The following UBN2 variants were observed in gnomAD, a reference collection of about 807,000 sequenced individuals.
The protein encoded by UBN2 is ubinuclein 2.
UBN2 carries 35 observed loss-of-function variants against 120.2 expected under a neutral mutation model. The observed-to-expected ratio is 0.29, with a 90% CI of 0.22 to 0.39. The LOEUF (loss-of-function observed/expected upper bound fraction) is 0.39. Ranked by LOEUF, UBN2 falls within the 10% of genes least tolerant of loss-of-function variation. The pLI, the probability that UBN2 is intolerant of heterozygous loss-of-function variation, is 1.00. For missense variants in UBN2, 1,693 were observed against 1,663.2 expected, an observed-to-expected ratio of 1.02 and a Z score of -0.31; for synonymous variants, 661 against 648.7, an observed-to-expected ratio of 1.02 and a Z score of -0.29.
intron 12 of UBN2, among the ~76,000 whole-genome samples, chr7:139,278,408 C>T (rs1043723175): frequency 1.3e-5 from 2 of 152,110 alleles, no homozygotes; most frequent in African/African-American, 4.8e-5. Flanking sequence ...TCTCAAACTC[C>T]TGGCCTCACG....
chr7:139,272,498 G>GTATGTACGT, intron 9 of UBN2, 58 bp downstream of exon 9: 2 of 466,578 alleles, frequency 4.3e-6, no homozygotes, highest in Non-Finnish European at 7.4e-6. Context: ...TGTACGTTAT[G>GTATGTACGT]TATGTATGTA....
At chr7:139,324,215 T>G in the UBN2 span, among the ~76,000 whole-genome samples, 1 of 152,182 alleles carries the variant, frequency 6.6e-6, no homozygotes, top group Non-Finnish European at 1.5e-5. Context: ...TGGAGATCCT[T>G]AATGGGTCTC....
intron 15 of UBN2, among the ~76,000 whole-genome samples, chr7:139,288,166 G>A (rs535153092): frequency 6.6e-6 from 1 of 152,188 alleles, no homozygotes; most frequent in Admixed American, 6.5e-5. Flanking sequence ...TCTTCTAGGT[G>A]CTGGGGATAT....
chr7:139,255,534 A>G (rs181557182), intron 3 of UBN2, among the ~76,000 whole-genome samples: 3 of 152,228 alleles, frequency 2.0e-5, no homozygotes, highest in African/African-American at 7.2e-5. Context: ...GTTTCTGAAC[A>G]AGGTAGGTTC....
chr7:139,248,589 T>C (rs1411179198), intron 2 of UBN2, among the ~76,000 whole-genome samples: 1 of 152,216 alleles, frequency 6.6e-6, no homozygotes, highest in East Asian at 1.9e-4. Context: ...CTAGGTTAGG[T>C]TTCTGAACAA....
intron 15 of UBN2, among the ~76,000 whole-genome samples, chr7:139,286,323 C>T (rs1351993898): frequency 6.6e-6 from 1 of 152,184 alleles, no homozygotes; most frequent in Non-Finnish European, 1.5e-5. Context: ...TTCCGCCTCC[C>T]AAAGTCCTGG....
At chr7:139,275,299 A>AG (rs1308889766) in intron 11 of UBN2, among the ~76,000 whole-genome samples, 3 of 142,426 alleles carry the variant, frequency 2.1e-5, no homozygotes, top group Non-Finnish European at 4.6e-5. Flanking sequence ...AAAAAAAAAA[A>AG]GTCGCTGGGC....
At position 139,284,026 on chromosome 7, in the gene UBN2, G is replaced by A. The variant is rs568483690; in HGVS notation, c.3121G>A (p.Ala1041Thr). The A allele has an allele frequency of 2.3e-5, 37 of 1,613,904 alleles. No individual in the cohort carries two copies. Among genetic ancestry groups the A allele is most frequent in the East Asian group, 1.1e-4 (5 of 44,866 alleles). The change falls in exon 15 of 18, where the codon GCA becomes ACA. Residue 1041 changes from alanine to threonine, a missense_variant. Physicochemically the swap from Ala to Thr is moderately conservative, Grantham distance 58. Coordinates refer to ENST00000473989, the MANE Select transcript of UBN2 (RefSeq NM_173569.4). ...FSMAASPKLA[A>T]SPKPATSPKP... ...GATGGCTGCCTCCCCAAAACTTGCC[G>A]CATCTCCCAAGCCTGCCACATCTCC... is the stretch of plus-strand genomic sequence containing the variant.
chr7:139,327,041 TA>T, the UBN2 span, among the ~76,000 whole-genome samples: 1 of 152,248 alleles, frequency 6.6e-6, no homozygotes, highest in Non-Finnish European at 1.5e-5. Context: ...TTTATTTGTT[TA>T]TTTTTTTTGA....
intron 2 of UBN2, among the ~76,000 whole-genome samples, chr7:139,241,177 C>G (rs1391091797): frequency 6.6e-6 from 1 of 152,190 alleles, no homozygotes; most frequent in African/African-American, 2.4e-5. Flanking sequence ...TCTTAGCCTT[C>G]TAGGACATAG....
At chr7:139,243,977 C>A (rs1796391367) in intron 2 of UBN2, among the ~76,000 whole-genome samples, 1 of 152,070 alleles carries the variant, frequency 6.6e-6, no homozygotes, top group Non-Finnish European at 1.5e-5. Context: ...ATTTGGTGGG[C>A]CAAACCTAAT....
At chr7:139,318,059 A>G in the UBN2 span, among the ~76,000 whole-genome samples, 1 of 151,982 alleles carries the variant, frequency 6.6e-6, no homozygotes, top group South Asian at 2.1e-4. Context: ...CCTCATTATC[A>G]TCCTCTTATC....
At position 139,272,306 on chromosome 7, in the gene UBN2, A is replaced by G. The variant is rs1264450491; in HGVS notation, c.1597-16A>G. 3 of 1,586,444 alleles carry G rather than the reference A, an allele frequency of 1.9e-6. No individual in the cohort carries two copies. The highest frequency in any genetic ancestry group is 1.4e-5 in the African/African-American group (1 of 73,678). On this transcript the variant is annotated splice_polypyrimidine_tract_variant and intron_variant, in intron 8 of 17. Coordinates refer to ENST00000473989, the MANE Select transcript of UBN2 (RefSeq NM_173569.4). ...AATATGTCTGATAAAAACTTCTAGT[A>G]TGTTTTTCTTTTTAGGATGATCGTT...
At chr7:139,264,094 AATTT>A (rs1292575886) in intron 6 of UBN2, among the ~76,000 whole-genome samples, 1 of 152,190 alleles carries the variant, frequency 6.6e-6, no homozygotes, top group African/African-American at 2.4e-5. Flanking sequence ...AAATAGTACT[AATTT>A]ATTATTCACA....
intron 2 of UBN2, among the ~76,000 whole-genome samples, chr7:139,247,391 T>C (rs1796499065): frequency 2.0e-5 from 3 of 152,214 alleles, no homozygotes; most frequent in Admixed American, 6.5e-5. Flanking sequence ...GAAACACTAA[T>C]TTCAGTTTTG....
chr7:139,270,270 CTTT>C (rs563161456), intron 8 of UBN2, among the ~76,000 whole-genome samples: 9 of 134,360 alleles, frequency 6.7e-5, no homozygotes, highest in East Asian at 2.2e-4. Flanking sequence ...AGCAGAAATA[CTTT>C]TTTTTTTTTT....
chr7:139,257,840 C>T (rs1796807052), intron 3 of UBN2, among the ~76,000 whole-genome samples: 1 of 152,172 alleles, frequency 6.6e-6, no homozygotes, highest in Non-Finnish European at 1.5e-5. Flanking sequence ...CACTCTTGTG[C>T]AATGACGCAA....
chr7:139,247,402 CT>C (rs1796499337), intron 2 of UBN2, among the ~76,000 whole-genome samples: 2 of 152,100 alleles, frequency 1.3e-5, no homozygotes, highest in Non-Finnish European at 2.9e-5. Context: ...TTCAGTTTTG[CT>C]TTATTAGAGT....
At position 139,231,712 on chromosome 7, in the gene UBN2, G is replaced by C; in HGVS notation, c.228G>C (p.Glu76Asp). ...GGGAGAAGCCGCTCCCCCAGCGCGA[G>C]GTCAGCCGCGCCGAGCCGCCCATGT... ...PSREKPLPQR[E>D]VSRAEPPMSL... Residue 76 changes from glutamate to aspartate, a missense_variant, in exon 1 of 18, where the codon GAG (glutamate) becomes GAC (aspartate). Around this residue, in one of 5 missense-constraint regions of UBN2, gnomAD observed 663 missense variants for 591.2 expected, o/e 1.12. Coordinates refer to ENST00000473989, the MANE Select transcript of UBN2 (RefSeq NM_173569.4). 4 of 1,179,704 alleles carry C rather than the reference G, an allele frequency of 3.4e-6. No homozygotes were observed. The highest frequency in any genetic ancestry group is 4.2e-6 in the Non-Finnish European group (4 of 957,674). 73.1% of individuals were successfully genotyped at this position (1,179,704 alleles called of 1,614,324 possible). A position where few individuals can be genotyped will look rare whatever the true frequency, so the allele number is the denominator to read the frequency against.
Sources: gnomAD v4.1 joint callset for allele counts (sites outside exome capture counted in the v4.1 genomes callset) on GRCh38, gnomAD v4.1.1 for gene constraint, gnomAD v4.1.1 regional missense constraint, MANE v1.5 for transcripts, NCBI Gene and HGNC (gene_info 2026-07-23, HGNC 2026-07-21) for gene names.